The following FAM13A variants were observed in gnomAD, a reference collection of about 807,000 sequenced individuals.
FAM13A encodes family with sequence similarity 13 member A.
FAM13A carries 76 observed loss-of-function variants against 129.6 expected under a neutral mutation model. That is an observed-to-expected ratio of 0.59 (90% confidence interval 0.49 to 0.71). The LOEUF is 0.71. Ranked by LOEUF, FAM13A falls within the 30% of genes least tolerant of loss-of-function variation. FAM13A has a pLI of 0.00. For synonymous variants in FAM13A, 443 were observed against 449.9 expected (o/e 0.98, Z 0.20); for missense variants, 1,108 against 1,249.3 (o/e 0.89, Z 1.70).
chr4:89,037,344 C>A (rs1769518660), intron 1 of FAM13A, among the ~76,000 whole-genome samples: 1 of 152,218 alleles, frequency 6.6e-6, no homozygotes, highest in South Asian at 2.1e-4. Flanking sequence ...AATGACTGCC[C>A]TGCTGGGTTT....
intron 19 of FAM13A, among the ~76,000 whole-genome samples, chr4:88,741,211 C>G (rs1426707652): frequency 6.6e-6 from 1 of 152,230 alleles, no homozygotes; most frequent in Non-Finnish European, 1.5e-5. Flanking sequence ...CTCATAGCAG[C>G]ACTATAATCC....
chr4:88,865,890 T>C (rs1740335578), intron 6 of FAM13A, among the ~76,000 whole-genome samples: 1 of 141,196 alleles, frequency 7.1e-6, no homozygotes, highest in African/African-American at 2.6e-5. Flanking sequence ...TTTTTTTTTT[T>C]TTTTTTTTTT....
intron 23 of FAM13A, among the ~76,000 whole-genome samples, chr4:88,730,448 A>G (rs560484468): frequency 6.6e-6 from 1 of 152,298 alleles, no homozygotes; most frequent in Non-Finnish European, 1.5e-5. Context: ...GCTGCAGTGC[A>G]GTGGCGTGAT....
intron 7 of FAM13A, among the ~76,000 whole-genome samples, chr4:88,817,189 C>G (rs963472): frequency 0.011 from 1,733 of 152,234 alleles, 34 homozygotes; most frequent in African/African-American, 0.039. Flanking sequence ...GCAAACTGTA[C>G]AACTCTGTGA....
chr4:88,955,995 A>G (rs544060368), intron 4 of FAM13A, among the ~76,000 whole-genome samples: 1 of 152,330 alleles, frequency 6.6e-6, no homozygotes, highest in South Asian at 2.1e-4. Context: ...AAAAAATTTA[A>G]ACATTTATAA....
intron 11 of FAM13A, among the ~76,000 whole-genome samples, chr4:88,778,586 T>C (rs1181557704): frequency 1.3e-5 from 2 of 152,160 alleles, no homozygotes; most frequent in Non-Finnish European, 2.9e-5. Flanking sequence ...GTTCAAGCCA[T>C]CATCATCTCA....
Position 88,792,631 on chromosome 4 carries a change from C to G in FAM13A, c.1050-2004G>C, listed in dbSNP as rs566731749. On this transcript the variant is annotated intron_variant, in intron 8 of 23. Coordinates refer to ENST00000264344, the MANE Select transcript of FAM13A (RefSeq NM_014883.4). The stretch of plus-strand genomic sequence containing the variant: ...CCACTTCTCAGTACAGTTACACAAC[C>G]TTGGTTTTGAGAGCAGGGACCCATA... Among the ~76,000 whole-genome samples, 9 of 152,148 alleles carry G rather than the reference C, an allele frequency of 5.9e-5. No homozygotes were observed. In the East Asian group the frequency reaches 1.5e-3, roughly 26 times the overall value.
At chr4:88,750,274 T>C (rs1412396830) in intron 15 of FAM13A, 150 bp downstream of exon 15, 1 of 669,324 alleles carries the variant, frequency 1.5e-6, no homozygotes, top group Non-Finnish European at 2.6e-6. Context: ...AACTACAACA[T>C]GGCCTGTGTC....
chr4:88,906,471 G>T lies in FAM13A; in HGVS notation c.760-9C>A, dbSNP rs772654583. On this transcript the variant is annotated splice_polypyrimidine_tract_variant and intron_variant, in intron 5 of 23. Coordinates refer to ENST00000264344, the MANE Select transcript of FAM13A (RefSeq NM_014883.4). ...TTCTTATAATAGACCTCCTACAAAA[G>T]AAGTATAAAGGAAACATTAGAGATT... 3.8e-6 allele frequency: 6 copies of T among 1,568,826 alleles called. No homozygotes were observed. Among genetic ancestry groups the T allele is most frequent in the Non-Finnish European group, 5.2e-6 (6 of 1,146,762 alleles).
intron 1 of FAM13A, among the ~76,000 whole-genome samples, chr4:89,034,697 C>G (rs1363319778): frequency 6.6e-6 from 1 of 152,158 alleles, no homozygotes; most frequent in Non-Finnish European, 1.5e-5. Context: ...GCCTGGCCAA[C>G]ATGGCGAAAC....
At chr4:88,814,819 T>C (rs1201327131) in intron 7 of FAM13A, among the ~76,000 whole-genome samples, 2 of 152,116 alleles carry the variant, frequency 1.3e-5, no homozygotes, top group Non-Finnish European at 2.9e-5. Flanking sequence ...TATTTTTATT[T>C]CTAGTAAGTT....
intron 4 of FAM13A, among the ~76,000 whole-genome samples, chr4:88,980,728 C>G (rs1761555930): frequency 1.3e-5 from 2 of 152,170 alleles, no homozygotes; most frequent in African/African-American, 4.8e-5. Context: ...ATCCAAATTA[C>G]CAGTTTCTAA....
intron 6 of FAM13A, among the ~76,000 whole-genome samples, chr4:88,863,773 A>G (rs1051193511): frequency 6.6e-6 from 1 of 152,204 alleles, no homozygotes; most frequent in Non-Finnish European, 1.5e-5. Context: ...GTAGAAAGAA[A>G]AAGAGTTTTG....
intron 6 of FAM13A, among the ~76,000 whole-genome samples, chr4:88,874,054 T>TGCAGAAA (rs1268869754): frequency 2.6e-5 from 4 of 152,126 alleles, no homozygotes; most frequent in African/African-American, 9.7e-5. Context: ...ATTATCTCAA[T>TGCAGAAA]AGATGCAGAA....
intron 23 of FAM13A, among the ~76,000 whole-genome samples, chr4:88,730,707 A>G (rs1485071432): frequency 6.6e-6 from 1 of 152,128 alleles, no homozygotes; most frequent in Non-Finnish European, 1.5e-5. Flanking sequence ...ACTGATTTTC[A>G]TACATATTTT....
intron 3 of FAM13A, among the ~76,000 whole-genome samples, chr4:89,002,361 C>T (rs530815158): frequency 3.3e-5 from 5 of 152,106 alleles, no homozygotes; most frequent in Admixed American, 6.5e-5. Context: ...GCTTAGTCTC[C>T]GGGTAATATC....
chr4:88,946,401 C>CTTTTTTT (rs3067813), intron 4 of FAM13A, among the ~76,000 whole-genome samples: 51 of 91,650 alleles, frequency 5.6e-4, no homozygotes, highest in East Asian at 7.8e-4. Flanking sequence ...CTCCCGCGTT[C>CTTTTTTT]TTTTTTTTTT....
rs554071535 is a variant in FAM13A, at chr4:88,785,384, G to A, written c.1271+2369C>T. Among the ~76,000 whole-genome samples the A allele has an allele frequency of 2.6e-5, 4 of 152,072 alleles. No individual in the cohort carries two copies. The East Asian group carries it at 5.8e-4, about 22-fold the overall frequency. On this transcript the variant is annotated intron_variant, in intron 10 of 23. Transcript: ENST00000264344. ...ATACTATGACGAACTCTTGACTGTAGGCTATATTAATGATTCTTGATCTTC... is the reference window on the plus strand; with the variant it reads ...ATACTATGACGAACTCTTGACTGTAAGCTATATTAATGATTCTTGATCTTC...
chr4:89,000,195 A>ATC (rs1764064790), intron 3 of FAM13A, among the ~76,000 whole-genome samples: 1 of 152,226 alleles, frequency 6.6e-6, no homozygotes, highest in African/African-American at 2.4e-5. Flanking sequence ...TTACAGGTAG[A>ATC]TACTCAAGAG....
Sources: allele counts gnomAD v4.1 joint callset (sites outside exome capture counted in the v4.1 genomes callset), GRCh38; gene constraint gnomAD v4.1.1; transcripts MANE v1.5; gene names NCBI Gene and HGNC (gene_info 2026-07-23, HGNC 2026-07-21).